The following PSD3 variants were observed in gnomAD, a reference collection of about 807,000 sequenced individuals.
The protein encoded by PSD3 is pleckstrin and Sec7 domain containing 3.
In PSD3, 49 loss-of-function variants were observed where a neutral mutation model predicts 105.5. The ratio of observed to expected loss-of-function variants is 0.46; its 90% CI spans 0.37 to 0.59. The LOEUF (loss-of-function observed/expected upper bound fraction) is 0.59. PSD3 is among the 20% of genes least tolerant of loss of function. The pLI is 0.00. For synonymous variants in PSD3, 557 were observed against 457.8 expected (o/e 1.22, Z -2.77); for missense variants, 1,561 against 1,263.8 (o/e 1.24, Z -3.57).
chr8:18,830,547 G>C (rs1813600448), intron 4 of PSD3, among the ~76,000 whole-genome samples: 1 of 152,190 alleles, frequency 6.6e-6, no homozygotes, highest in Non-Finnish European at 1.5e-5. Context: ...ATTATCTTCT[G>C]TCATTCAAAG....
In PSD3 at chr8:18,617,313, C is replaced by T. The variant is rs569605670; in HGVS notation, c.2410+15300G>A. Reference sequence around the variant, plus strand: ...TGGGAGGCTGAGGTGGGTGAATCACCTGAGGTAAGGGGTTCGAGACCAACC... The same window carrying T: ...TGGGAGGCTGAGGTGGGTGAATCACTTGAGGTAAGGGGTTCGAGACCAACC... On this transcript the variant is annotated intron_variant, in intron 11 of 15. Coordinates refer to ENST00000327040, the MANE Select transcript of PSD3 (RefSeq NM_015310.4). Among the ~76,000 whole-genome samples, 250 of 152,194 alleles carry T rather than the reference C, an allele frequency of 1.6e-3. 2 individuals carry two copies. The highest frequency in any genetic ancestry group is 5.4e-3 in the African/African-American group (225 of 41,536).
intron 15 of PSD3, among the ~76,000 whole-genome samples, chr8:18,540,004 C>A (rs927702242): frequency 6.6e-6 from 1 of 152,092 alleles, no homozygotes; most frequent in Admixed American, 6.6e-5. Flanking sequence ...ACTAATGGAA[C>A]TGTGCGCTTT....
intron 9 of PSD3, among the ~76,000 whole-genome samples, chr8:18,747,892 C>T (rs1366858411): frequency 1.3e-5 from 2 of 151,762 alleles, no homozygotes; most frequent in Non-Finnish European, 1.5e-5. Flanking sequence ...ACCAGCACTT[C>T]AGGTTTCGGT....
intron 8 of PSD3, among the ~76,000 whole-genome samples, chr8:18,766,892 G>C (rs1398304225): frequency 6.6e-6 from 1 of 152,188 alleles, no homozygotes; most frequent in Non-Finnish European, 1.5e-5. Flanking sequence ...TCAGGAGCTG[G>C]AATCTTTAAT....
chr8:18,591,155 T>C (rs79698208), intron 12 of PSD3, among the ~76,000 whole-genome samples: 232 of 152,282 alleles, frequency 1.5e-3, no homozygotes, highest in Non-Finnish European at 2.8e-3. Context: ...AAACCCACGC[T>C]GAAACAGGTA....
Position 18,572,560 on chromosome 8 carries a change from G to T in PSD3, c.2752C>A (p.Leu918Ile). ...AGTTTTGTTGTAGTGGCAGGCAGAA[G>T]TGGGCGGCTAAACTTCTTCTGAGAG... Reference protein sequence around the residue: ...IGSQKKFSRPLLPATTTKLSQ... With the variant: ...IGSQKKFSRPILPATTTKLSQ... Residue 918 changes from leucine to isoleucine, a missense_variant, in exon 14 of 16, where the codon CTT (leucine) becomes ATT (isoleucine). Transcript: ENST00000327040. The T allele has an allele frequency of 6.2e-7, 1 of 1,614,038 alleles. No individual in the cohort carries two copies. The highest frequency in any genetic ancestry group is 8.5e-7 in the Non-Finnish European group (1 of 1,179,908).
intron 1 of PSD3, among the ~76,000 whole-genome samples, chr8:18,943,801 C>T (rs1042362353): frequency 6.6e-6 from 1 of 151,998 alleles, no homozygotes; most frequent in Non-Finnish European, 1.5e-5. Flanking sequence ...GATACCATAG[C>T]GGAAACTGGG....
At chr8:18,725,541 C>A (rs1045232337) in intron 9 of PSD3, among the ~76,000 whole-genome samples, 1 of 152,312 alleles carries the variant, frequency 6.6e-6, no homozygotes, top group Middle Eastern at 3.4e-3. Flanking sequence ...CACCCTCCCA[C>A]CTCATGTTCC....
chr8:18,711,279 C>T (rs887091600), intron 9 of PSD3, among the ~76,000 whole-genome samples: 1 of 152,158 alleles, frequency 6.6e-6, no homozygotes, highest in Non-Finnish European at 1.5e-5. Context: ...ATCAAATTCA[C>T]ACATAACAAT....
intron 12 of PSD3, among the ~76,000 whole-genome samples, chr8:18,589,519 G>C (rs959353040): frequency 2.6e-5 from 4 of 152,194 alleles, no homozygotes; most frequent in Admixed American, 1.3e-4. Context: ...AAAAGGGTTT[G>C]TGTTAGATAT....
At chr8:19,074,837 G>T (rs1244182369) in intron 1 of PSD3, among the ~76,000 whole-genome samples, 1 of 151,440 alleles carries the variant, frequency 6.6e-6, no homozygotes, top group African/African-American at 2.4e-5. Context: ...AGCCAGGATG[G>T]TCTCGATCTC....
rs1262250524 is a variant in PSD3, at chr8:18,594,268, TTA to T, written c.2481+6094_2481+6095del. Among the ~76,000 whole-genome samples, 3 of 34,138 alleles carry T rather than the reference TTA, an allele frequency of 8.8e-5. 1 individual carries two copies. Among genetic ancestry groups the T allele is most frequent in the South Asian group, 8.4e-4 (1 of 1,192 alleles). 22.4% of individuals were successfully genotyped at this position (34,138 alleles called of 152,430 possible). A position where few individuals can be genotyped will look rare whatever the true frequency, so the allele number is the denominator to read the frequency against. On this transcript the variant is annotated intron_variant, in intron 12 of 15. Coordinates refer to ENST00000327040, the MANE Select transcript of PSD3 (RefSeq NM_015310.4). ...TATATATATTATATAATATATATTA[TTA>T]TATATATTATATAATATATATTATA...
intron 2 of PSD3, among the ~76,000 whole-genome samples, chr8:18,905,745 C>G (rs556269943): frequency 1.3e-5 from 2 of 152,130 alleles, no homozygotes; most frequent in African/African-American, 4.8e-5. Flanking sequence ...AAATACCTAT[C>G]ATAGTATTCT....
chr8:18,791,259 C>T (rs1476091593), intron 8 of PSD3, among the ~76,000 whole-genome samples: 1 of 152,122 alleles, frequency 6.6e-6, no homozygotes, highest in East Asian at 1.9e-4. Context: ...AAAGAACCAC[C>T]CAGACAGTCA....
intron 9 of PSD3, among the ~76,000 whole-genome samples, chr8:18,749,994 A>C (rs1013604497): frequency 4.6e-5 from 7 of 152,198 alleles, no homozygotes; most frequent in African/African-American, 1.7e-4. Context: ...AAAAACCAGA[A>C]GTAGAAAAAC....
chr8:18,943,406 T>A (rs1822676633), intron 1 of PSD3, among the ~76,000 whole-genome samples: 2 of 152,232 alleles, frequency 1.3e-5, no homozygotes, highest in African/African-American at 4.8e-5. Context: ...AAAGAGATTC[T>A]TCTTATAAAA....
chr8:18,541,970 C>A (rs949740023), intron 15 of PSD3, among the ~76,000 whole-genome samples: 1 of 152,062 alleles, frequency 6.6e-6, no homozygotes, highest in African/African-American at 2.4e-5. Flanking sequence ...TCAGGCTGGT[C>A]TCAAACTCCT....
intron 14 of PSD3, among the ~76,000 whole-genome samples, chr8:18,565,305 G>A (rs890965362): frequency 1.3e-5 from 2 of 151,842 alleles, no homozygotes; most frequent in Non-Finnish European, 2.9e-5. Flanking sequence ...TGTTTGGAGA[G>A]CTACACCAGA....
At chr8:18,577,708 C>A (rs1034042680) in intron 12 of PSD3, among the ~76,000 whole-genome samples, 4 of 152,046 alleles carry the variant, frequency 2.6e-5, no homozygotes, top group Admixed American at 2.6e-4. Flanking sequence ...CCCACATCAA[C>A]AAGATAAGAC....
Sources: gnomAD v4.1 joint callset for allele counts (sites outside exome capture counted in the v4.1 genomes callset) on GRCh38, gnomAD v4.1.1 for gene constraint, MANE v1.5 for transcripts, NCBI Gene and HGNC (gene_info 2026-07-23, HGNC 2026-07-21) for gene names.